Variants in TPO observed in about 807,000 individuals in gnomAD.
The protein encoded by TPO is thyroid microsomal antigen.
In TPO, 78 loss-of-function variants were observed where a neutral mutation model predicts 96.9. The observed-to-expected ratio is 0.81, with a 90% confidence interval of 0.67 to 0.97. The LOEUF (loss-of-function observed/expected upper bound fraction) is 0.97, where lower values mean the gene tolerates loss of function less well. TPO is among the 50% of genes least tolerant of loss of function. The pLI, the probability that TPO is intolerant of heterozygous loss-of-function variation, is 0.00. For synonymous variants in TPO, 547 were observed against 538.0 expected (o/e 1.02, Z -0.23); for missense variants, 1,252 against 1,274.8 (o/e 0.98, Z 0.27).
Position 1,480,559 on chromosome 2 carries a change from T to TACACACACACACACACACAC in TPO, c.1338+2982_1338+3001dup, listed in dbSNP as rs3036105. Among the ~76,000 whole-genome samples, 141 of 44,362 alleles carry TACACACACACACACACACAC rather than the reference T, an allele frequency of 3.2e-3. 6 individuals carry two copies. Among genetic ancestry groups the TACACACACACACACACACAC allele is most frequent in the Non-Finnish European group, 4.0e-3 (99 of 24,630 alleles). The allele number at this position is 44,362 out of a possible 152,430, so 29.1% of individuals were successfully genotyped here. A position where few individuals can be genotyped will look rare whatever the true frequency, so the allele number is the denominator to read the frequency against. On this transcript the variant is annotated intron_variant, in intron 8 of 16. Transcript: ENST00000329066. ...CCCCTCTATCACCCCTCAAACCCCC[T>TACACACACACACACACACAC]ACACACACACACACACACACACACA...
chr2:1,503,741 C>A, intron 13 of TPO: 2 of 876,706 alleles, frequency 2.3e-6, no homozygotes, highest in Non-Finnish European at 3.7e-6. Context: ...AGGCTCAGAG[C>A]CCGTGGCCAG....
At chr2:1,478,963 G>C (rs1477059371) in intron 8 of TPO, among the ~76,000 whole-genome samples, 1 of 152,270 alleles carries the variant, frequency 6.6e-6, no homozygotes, top group Non-Finnish European at 1.5e-5. Context: ...GCTTGGTGGG[G>C]AGCATCAGCC....
chr2:1,423,603 G>A (rs1664018601), intron 3 of TPO, among the ~76,000 whole-genome samples: 1 of 151,870 alleles, frequency 6.6e-6, no homozygotes, highest in African/African-American at 2.4e-5. Flanking sequence ...AGAATATTGT[G>A]GTCTCATATT....
chr2:1,430,093 A>G (rs777210348), intron 3 of TPO, among the ~76,000 whole-genome samples: 1 of 152,234 alleles, frequency 6.6e-6, no homozygotes, highest in Non-Finnish European at 1.5e-5. Flanking sequence ...AAAGCATGGT[A>G]TAAGTCCTCA....
chr2:1,491,661 C>T (rs990522678), intron 10 of TPO, among the ~76,000 whole-genome samples: 10 of 152,200 alleles, frequency 6.6e-5, no homozygotes, highest in African/African-American at 9.7e-5. Flanking sequence ...AAGCAATGGG[C>T]GTCTGTTTTC....
chr2:1,376,446 C>A (rs923528070), intron 1 of TPO, among the ~76,000 whole-genome samples: 1 of 152,202 alleles, frequency 6.6e-6, no homozygotes, highest in Non-Finnish European at 1.5e-5. Context: ...AGCCATTGAT[C>A]CAAAGTGACA....
intron 3 of TPO, among the ~76,000 whole-genome samples, chr2:1,430,515 C>T (rs535929043): frequency 1.3e-5 from 2 of 152,372 alleles, no homozygotes; most frequent in Non-Finnish European, 2.9e-5. Context: ...CACTGAGACA[C>T]TGCTTAATGG....
At chr2:1,529,669 C>T (rs1255939778) in intron 15 of TPO, among the ~76,000 whole-genome samples, 2 of 67,354 alleles carry the variant, frequency 3.0e-5, no homozygotes, top group African/African-American at 1.2e-4. Flanking sequence ...CTATCACCCC[C>T]ACTGTGTGCA....
intron 16 of TPO, chr2:1,542,020 T>A (rs1274674382): frequency 8.1e-6 from 2 of 247,334 alleles, no homozygotes; most frequent in South Asian, 6.6e-5. Flanking sequence ...TTAAATAGCT[T>A]TTCCAGCCAC....
intron 3 of TPO, among the ~76,000 whole-genome samples, chr2:1,423,619 T>C (rs1664020853): frequency 6.6e-6 from 1 of 152,106 alleles, no homozygotes; most frequent in African/African-American, 2.4e-5. Flanking sequence ...ATATTACCTG[T>C]CTAGAAAAAG....
intron 14 of TPO, among the ~76,000 whole-genome samples, chr2:1,509,475 T>C (rs1258581477): frequency 2.0e-5 from 3 of 152,008 alleles, no homozygotes; most frequent in Non-Finnish European, 4.4e-5. Flanking sequence ...TACCCTCTTG[T>C]TTGAGGGACA....
chr2:1,413,836 C>A, intron 1 of TPO: 1 of 668,814 alleles, frequency 1.5e-6, no homozygotes, highest in Non-Finnish European at 1.8e-6. Flanking sequence ...AAAATAGCCA[C>A]AGAAAGCCTA....
intron 12 of TPO, 99 bp downstream of exon 12, chr2:1,496,296 G>C: frequency 8.2e-7 from 1 of 1,213,784 alleles, no homozygotes; most frequent in Non-Finnish European, 1.1e-6. Flanking sequence ...TCACTGTTTA[G>C]AAAATAGTGT....
intron 15 of TPO, among the ~76,000 whole-genome samples, chr2:1,531,625 CA>C (rs1678275431): frequency 1.1e-5 from 1 of 93,488 alleles, no homozygotes; most frequent in Non-Finnish European, 2.2e-5. Flanking sequence ...CTCCCCAAAA[CA>C]CCCCTCAATG....
intron 7 of TPO, among the ~76,000 whole-genome samples, chr2:1,471,243 G>T (rs1024296276): frequency 1.3e-5 from 2 of 152,132 alleles, no homozygotes; most frequent in Admixed American, 6.5e-5. Context: ...CAGATCTTTG[G>T]TTATGGGCTC....
intron 1 of TPO, among the ~76,000 whole-genome samples, chr2:1,396,003 C>T (rs1249872077): frequency 6.6e-6 from 1 of 152,204 alleles, no homozygotes; most frequent in Admixed American, 6.5e-5. Flanking sequence ...TGAAAACAGA[C>T]TAATACAATG....
intron 7 of TPO, among the ~76,000 whole-genome samples, chr2:1,459,294 G>A (rs924723471): frequency 1.3e-5 from 2 of 152,070 alleles, no homozygotes; most frequent in African/African-American, 4.8e-5. Flanking sequence ...TGGGACTACA[G>A]GCAGGTGCCA....
intron 7 of TPO, among the ~76,000 whole-genome samples, chr2:1,469,514 A>T (rs60151917): frequency 0.053 from 8,127 of 152,150 alleles, 285 homozygotes; most frequent in East Asian, 0.16. Context: ...AATTGTTACA[A>T]AGTTCAGCTG....
upstream of TPO, among the ~76,000 whole-genome samples, chr2:1,411,379 G>A (rs1169601444): frequency 6.6e-6 from 1 of 152,154 alleles, no homozygotes; most frequent in Non-Finnish European, 1.5e-5. Flanking sequence ...TCCCCCAGCT[G>A]TGCATGCAAA....
Sources: allele counts gnomAD v4.1 joint callset (sites outside exome capture counted in the v4.1 genomes callset), GRCh38; gene constraint gnomAD v4.1.1; transcripts MANE v1.5; gene names NCBI Gene and HGNC (gene_info 2026-07-23, HGNC 2026-07-21).